The following HS6ST3 variants were observed in gnomAD, a reference collection of about 807,000 sequenced individuals.
HS6ST3 encodes the protein heparan-sulfate 6-O-sulfotransferase 3.
Under a neutral mutation model 36.7 loss-of-function variants are expected in HS6ST3, and 12 were observed. The observed-to-expected ratio is 0.33, with a 90% CI of 0.21 to 0.53. The LOEUF (loss-of-function observed/expected upper bound fraction) is 0.53. HS6ST3 is among the 20% of genes least tolerant of loss of function. The pLI, the probability that HS6ST3 is intolerant of heterozygous loss-of-function variation, is 0.95. For synonymous variants in HS6ST3, 240 were observed against 257.5 expected (o/e 0.93, Z 0.65); for missense variants, 584 against 640.9 (o/e 0.91, Z 0.96).
rs918415977 is a variant in HS6ST3, at chr13:96,278,685, A to G, written c.707+187116A>G. Among the ~76,000 whole-genome samples the G allele has an allele frequency of 3.3e-5, 5 of 152,196 alleles. No homozygotes were observed. The East Asian group carries it at 5.8e-4, about 18-fold the overall frequency. On this transcript the variant is annotated intron_variant, in intron 1 of 1. Transcript: ENST00000376705. The stretch of plus-strand genomic sequence containing the variant: ...TAATTTTGATCAAGTCTTATAATTA[A>G]TCAGGTGTGAATAAAATGAATCAGC...
At chr13:96,402,049 T>G (rs1334636698) in intron 1 of HS6ST3, among the ~76,000 whole-genome samples, 1 of 152,092 alleles carries the variant, frequency 6.6e-6, no homozygotes, top group Non-Finnish European at 1.5e-5. Context: ...CTCAAGAAAT[T>G]CTCCCATCTC....
intron 1 of HS6ST3, among the ~76,000 whole-genome samples, chr13:96,626,116 A>G (rs1001179476): frequency 1.3e-5 from 2 of 152,126 alleles, no homozygotes; most frequent in African/African-American, 4.8e-5. Flanking sequence ...TGCTGGGATT[A>G]CAGGCGTGAG....
chr13:96,328,854 T>G (rs1195540150), intron 1 of HS6ST3, among the ~76,000 whole-genome samples: 1 of 152,190 alleles, frequency 6.6e-6, no homozygotes. Context: ...TGCCACAATT[T>G]CAGATCCTGT....
At chr13:96,343,782 G>A (rs572034115) in intron 1 of HS6ST3, among the ~76,000 whole-genome samples, 4 of 151,976 alleles carry the variant, frequency 2.6e-5, no homozygotes, top group South Asian at 2.1e-4. Flanking sequence ...TCACACTGTC[G>A]TCCAGGCTGG....
At chr13:96,774,803 C>T (rs374108171) in intron 1 of HS6ST3, among the ~76,000 whole-genome samples, 7 of 152,058 alleles carry the variant, frequency 4.6e-5, no homozygotes, top group South Asian at 4.2e-4. Flanking sequence ...AAAGACAGGC[C>T]GACATTCAAA....
At chr13:96,517,853 T>C (rs1303188506) in intron 1 of HS6ST3, among the ~76,000 whole-genome samples, 1 of 152,200 alleles carries the variant, frequency 6.6e-6, no homozygotes, top group Non-Finnish European at 1.5e-5. Context: ...ACGTGCAGTA[T>C]TTGGGTATAT....
chr13:96,826,423 T>G (rs1878649287), intron 1 of HS6ST3, among the ~76,000 whole-genome samples: 2 of 152,188 alleles, frequency 1.3e-5, no homozygotes, highest in Non-Finnish European at 2.9e-5. Flanking sequence ...AGCAATTTTT[T>G]TTTAATATCT....
chr13:96,173,656 G>C (rs1434979214), intron 1 of HS6ST3, among the ~76,000 whole-genome samples: 1 of 113,078 alleles, frequency 8.8e-6, no homozygotes, highest in African/African-American at 3.5e-5. Flanking sequence ...TGAATAGGCA[G>C]AGTCACAGGT....
chr13:96,417,618 G>GTGTGTC (rs1352502432), intron 1 of HS6ST3, among the ~76,000 whole-genome samples: 1 of 149,274 alleles, frequency 6.7e-6, no homozygotes, highest in Non-Finnish European at 1.5e-5. Flanking sequence ...GTGTGTGTGT[G>GTGTGTC]TGTGTACATA....
chr13:96,523,346 G>T (rs1398459938), intron 1 of HS6ST3, among the ~76,000 whole-genome samples: 1 of 152,008 alleles, frequency 6.6e-6, no homozygotes. Flanking sequence ...CGTGTCTTGG[G>T]GTTGCTCTTC....
intron 1 of HS6ST3, among the ~76,000 whole-genome samples, chr13:96,202,275 G>A (rs975104227): frequency 2.6e-5 from 4 of 152,178 alleles, no homozygotes; most frequent in Non-Finnish European, 4.4e-5. Context: ...AAGGGGAAAT[G>A]TATTTTTCTT....
chr13:96,264,569 T>G (rs2054682543), intron 1 of HS6ST3, among the ~76,000 whole-genome samples: 1 of 152,234 alleles, frequency 6.6e-6, no homozygotes, highest in South Asian at 2.1e-4. Context: ...AAAGTTGTTC[T>G]GTCTATAAAG....
In HS6ST3 at chr13:96,833,426, C is replaced by T. The variant is rs1878854098; in HGVS notation, c.*228C>T. ...GGTGATATTAAGTAGGGTAGGAGTG[C>T]ATCCCATATAGGCCATTTTAGAAGG... On this transcript the variant is annotated 3_prime_UTR_variant, in exon 2 of 2. Coordinates refer to ENST00000376705, the MANE Select transcript of HS6ST3 (RefSeq NM_153456.4). 4.0e-6 allele frequency: 2 copies of T among 498,770 alleles called. No homozygotes were observed. The highest frequency in any genetic ancestry group is 6.6e-5 in the East Asian group (2 of 30,440). 30.9% of individuals were successfully genotyped at this position (498,770 alleles called of 1,614,324 possible). A position where few individuals can be genotyped will look rare whatever the true frequency, so the allele number is the denominator to read the frequency against.
chr13:96,331,071 G>T (rs1312363403), intron 1 of HS6ST3, among the ~76,000 whole-genome samples: 2 of 152,126 alleles, frequency 1.3e-5, no homozygotes, highest in Admixed American at 6.5e-5. Context: ...GGTTATTCTA[G>T]TTATACATTC....
intron 1 of HS6ST3, among the ~76,000 whole-genome samples, chr13:96,292,886 G>A (rs967250013): frequency 6.6e-6 from 1 of 152,066 alleles, no homozygotes; most frequent in Non-Finnish European, 1.5e-5. Flanking sequence ...TAGACAAAAT[G>A]TGCTGAACAT....
intron 1 of HS6ST3, among the ~76,000 whole-genome samples, chr13:96,151,066 G>A (rs1291203359): frequency 1.3e-5 from 2 of 152,056 alleles, no homozygotes; most frequent in African/African-American, 4.8e-5. Context: ...TTGATGGCGG[G>A]ACATCCATGT....
intron 1 of HS6ST3, among the ~76,000 whole-genome samples, chr13:96,564,892 G>T (rs1202387489): frequency 6.6e-6 from 1 of 152,134 alleles, no homozygotes; most frequent in Non-Finnish European, 1.5e-5. Context: ...TGCATTTGCA[G>T]AATAAAAGCA....
intron 1 of HS6ST3, among the ~76,000 whole-genome samples, chr13:96,671,181 C>T (rs757719988): frequency 6.6e-6 from 1 of 152,142 alleles, no homozygotes; most frequent in Non-Finnish European, 1.5e-5. Context: ...AGCTAGTTCT[C>T]CTCATTGTTA....
intron 1 of HS6ST3, among the ~76,000 whole-genome samples, chr13:96,741,904 G>C (rs369550478): frequency 7.9e-5 from 12 of 152,196 alleles, no homozygotes; most frequent in African/African-American, 2.9e-4. Flanking sequence ...GGGGTCTGAT[G>C]ACCACACTGC....
Sources: gnomAD v4.1 joint callset for allele counts (sites outside exome capture counted in the v4.1 genomes callset) on GRCh38, gnomAD v4.1.1 for gene constraint, MANE v1.5 for transcripts, NCBI Gene and HGNC (gene_info 2026-07-23, HGNC 2026-07-21) for gene names.